Variants in GDAP1 observed in about 807,000 individuals in gnomAD.
GDAP1 encodes ganglioside-induced differentiation-associated protein 1.
In GDAP1, 34 loss-of-function variants were observed where a neutral mutation model predicts 40.1. The observed-to-expected ratio is 0.85, with a 90% CI of 0.64 to 1.13. GDAP1 has a LOEUF of 1.13. GDAP1 is among the 50% of genes most tolerant of loss of function. GDAP1 has a pLI of 0.00. For synonymous variants in GDAP1, 170 were observed against 157.4 expected, an observed-to-expected ratio of 1.08 and a Z score of -0.60; for missense variants, 374 against 433.7, an observed-to-expected ratio of 0.86 and a Z score of 1.22.
chr8:74,405,085 C>T (rs185096338), intron 2 of GDAP1, among the ~76,000 whole-genome samples: 1 of 150,190 alleles, frequency 6.7e-6, no homozygotes, highest in African/African-American at 2.5e-5. Flanking sequence ...TTAATGGACT[C>T]ACAGTTCCAA....
At chr8:74,377,834 T>C (rs1809882784) in intron 2 of GDAP1, among the ~76,000 whole-genome samples, 1 of 152,254 alleles carries the variant, frequency 6.6e-6, no homozygotes, top group Non-Finnish European at 1.5e-5. Context: ...CTTCACTGTT[T>C]ATAGCTGCTT....
intron 2 of GDAP1, among the ~76,000 whole-genome samples, chr8:74,416,923 TTTTTTG>T (rs1191293929): frequency 1.0e-4 from 10 of 95,594 alleles, no homozygotes; most frequent in Non-Finnish European, 1.4e-4. Context: ...TGTTTTTTTG[TTTTTTG>T]TTTTTTTTTT....
intron 2 of GDAP1, among the ~76,000 whole-genome samples, chr8:74,460,944 T>A (rs1188045808): frequency 6.6e-6 from 1 of 152,164 alleles, no homozygotes; most frequent in African/African-American, 2.4e-5. Flanking sequence ...CCCACTTTCT[T>A]GGAGTTGGTC....
intron 2 of GDAP1, among the ~76,000 whole-genome samples, chr8:74,482,744 A>G (rs988138906): frequency 2.0e-5 from 3 of 152,342 alleles, no homozygotes; most frequent in Non-Finnish European, 1.5e-5. Flanking sequence ...CTGGATAAAT[A>G]GAAATATTTG....
intron 2 of GDAP1, among the ~76,000 whole-genome samples, chr8:74,394,447 C>T (rs1056018733): frequency 6.6e-6 from 1 of 152,092 alleles, no homozygotes; most frequent in Non-Finnish European, 1.5e-5. Context: ...TGGGTAGAAC[C>T]TTCTAGTGGT....
intron 2 of GDAP1, among the ~76,000 whole-genome samples, chr8:74,422,188 T>A (rs1805866056): frequency 6.7e-6 from 1 of 150,366 alleles, no homozygotes; most frequent in Admixed American, 6.6e-5. Flanking sequence ...TCTTTCTTTT[T>A]TCTCTTTCTT....
At chr8:74,439,231 A>G (rs11785524) in intron 2 of GDAP1, among the ~76,000 whole-genome samples, 60,388 of 151,894 alleles carry the variant, frequency 0.4, 12,657 homozygotes, top group Non-Finnish European at 0.46. Context: ...TTATATATAT[A>G]TGTGTGTGTG....
At chr8:74,411,352 A>G (rs1563461694) in intron 2 of GDAP1, among the ~76,000 whole-genome samples, 1 of 149,622 alleles carries the variant, frequency 6.7e-6, no homozygotes, top group South Asian at 2.1e-4. Context: ...CAAATGGACA[A>G]TTTTGACTCT....
intron 2 of GDAP1, among the ~76,000 whole-genome samples, chr8:74,465,181 C>T (rs1806453062): frequency 2.0e-5 from 3 of 152,060 alleles, no homozygotes; most frequent in Middle Eastern, 3.4e-3. Flanking sequence ...GATAGCACCA[C>T]TTGCACTCCA....
intron 2 of GDAP1, among the ~76,000 whole-genome samples, chr8:74,395,421 A>G (rs559832819): frequency 5.3e-5 from 8 of 152,310 alleles, no homozygotes; most frequent in African/African-American, 1.9e-4. Flanking sequence ...TCTTAATTTC[A>G]TGTCCTTTCT....
rs1806313084 is a variant in GDAP1, at chr8:74,454,469, C to T, written c.166-34209C>T. 2.4e-5 allele frequency among the ~76,000 whole-genome samples: 2 copies of T among 83,094 alleles called. 1 individual carries two copies. Among genetic ancestry groups the T allele is most frequent in the African/African-American group, 1.0e-4 (2 of 19,068 alleles). The allele number at this position is 83,094 out of a possible 152,430, so 54.5% of individuals were successfully genotyped here. A position where few individuals can be genotyped will look rare whatever the true frequency, so the allele number is the denominator to read the frequency against. ...ACAGGATTATATTACCAAACCCATT[C>T]CCCTGCCAGTTCAGAATACATTTGT... On this transcript the variant is annotated intron_variant, in intron 2 of 2. Coordinates refer to the GDAP1 transcript ENST00000523640.
rs764229116 is a variant in GDAP1, at chr8:74,351,374, C to G, written c.218C>G (p.Ser73Ter). 6.2e-7 allele frequency: 1 copy of G among 1,613,672 alleles called. No individual in the cohort carries two copies. Among genetic ancestry groups the G allele is most frequent in the East Asian group, 2.2e-5 (1 of 44,874 alleles). ...HNEPWFMRLN[S>*]TGEVPVLIHG... is the part of the protein sequence containing the mutation. ...GAGCCTTGGTTTATGCGTTTGAACT[C>G]AACTGGAGAAGTGCCTGTCCTTATC... Residue 73 changes from serine (S) to a stop codon, truncating the protein, a stop_gained, in exon 2 of 6, where the codon TCA becomes TGA. Transcript: ENST00000220822. LOFTEE classifies it high-confidence loss of function.
At chr8:74,480,783 A>T (rs190930332) in intron 2 of GDAP1, among the ~76,000 whole-genome samples, 2 of 152,212 alleles carry the variant, frequency 1.3e-5, no homozygotes, top group Non-Finnish European at 2.9e-5. Context: ...TTCTTATTAA[A>T]CCTATTCCAA....
At chr8:74,421,532 G>A (rs1200468501) in intron 2 of GDAP1, among the ~76,000 whole-genome samples, 1 of 152,104 alleles carries the variant, frequency 6.6e-6, no homozygotes, top group African/African-American at 2.4e-5. Context: ...ACAACCTGAA[G>A]AGCTAAGATT....
chr8:74,468,931 T>A (rs1415193818), intron 2 of GDAP1, among the ~76,000 whole-genome samples: 1 of 152,176 alleles, frequency 6.6e-6, no homozygotes, highest in Admixed American at 6.5e-5. Flanking sequence ...GGGCAAAGAA[T>A]ATTTTCTTAT....
rs550459605 is a variant in GDAP1 at position 74,480,922 on chromosome 8, A to G, written c.166-7756A>G. On this transcript the variant is annotated intron_variant, in intron 2 of 2. Transcript: ENST00000523640. ...TTGGATCCAGTAGAACTTCCTGGGA[A>G]TCTAAGACTGTATCCTGATTGCAAT... 8.1e-4 allele frequency among the ~76,000 whole-genome samples: 123 copies of G among 152,312 alleles called. 2 individuals carry two copies. Among genetic ancestry groups the G allele is most frequent in the Middle Eastern group, 3.4e-3 (1 of 294 alleles).
intron 2 of GDAP1, among the ~76,000 whole-genome samples, chr8:74,422,479 T>C (rs13271288): frequency 7.0e-5 from 8 of 114,170 alleles, no homozygotes; most frequent in African/African-American, 8.3e-5. Flanking sequence ...CCTTCCTCCC[T>C]CCCTCCCTCC....
chr8:74,402,617 G>T (rs979385699), intron 2 of GDAP1, among the ~76,000 whole-genome samples: 1 of 150,296 alleles, frequency 6.7e-6, no homozygotes, highest in Non-Finnish European at 1.5e-5. Flanking sequence ...ACCTGAGATG[G>T]AAATGCAGAA....
chr8:74,390,284 C>G (rs900645231), intron 2 of GDAP1, among the ~76,000 whole-genome samples: 3 of 152,118 alleles, frequency 2.0e-5, no homozygotes, highest in African/African-American at 7.2e-5. Flanking sequence ...GAATTTTTAG[C>G]CTTTTTGCGC....
Sources: allele counts gnomAD v4.1 joint callset (sites outside exome capture counted in the v4.1 genomes callset), GRCh38; gene constraint gnomAD v4.1.1; transcripts MANE v1.5; gene names NCBI Gene and HGNC (gene_info 2026-07-23, HGNC 2026-07-21).